Variants in CREB3L2 observed in about 807,000 individuals in gnomAD.
CREB3L2 encodes cAMP responsive element binding protein 3 like 2.
CREB3L2 carries 23 observed loss-of-function variants against 57.2 expected under a neutral mutation model. The observed-to-expected ratio is 0.40, with a 90% CI of 0.29 to 0.57. The LOEUF (loss-of-function observed/expected upper bound fraction) is 0.57. Ranked by LOEUF, CREB3L2 falls within the 20% of genes least tolerant of loss-of-function variation. CREB3L2 has a pLI of 0.42. For synonymous variants in CREB3L2, 268 were observed against 265.1 expected (o/e 1.01, Z -0.11); for missense variants, 628 against 634.7 (o/e 0.99, Z 0.11).
chr7:137,949,337 C>T (rs565176264), intron 1 of CREB3L2, among the ~76,000 whole-genome samples: 3 of 152,248 alleles, frequency 2.0e-5, no homozygotes, highest in Non-Finnish European at 1.5e-5. Context: ...GAAACTGTGT[C>T]GTTGTAAGGT....
chr7:137,976,910 C>A (rs1801617293), intron 1 of CREB3L2, among the ~76,000 whole-genome samples: 1 of 152,226 alleles, frequency 6.6e-6, no homozygotes, highest in African/African-American at 2.4e-5. Flanking sequence ...ATAGGCTACG[C>A]AGACGGCAGC....
At chr7:137,964,638 C>T (rs1236886967) in intron 1 of CREB3L2, among the ~76,000 whole-genome samples, 1 of 152,180 alleles carries the variant, frequency 6.6e-6, no homozygotes, top group Non-Finnish European at 1.5e-5. Flanking sequence ...CAATATTGAA[C>T]AATCCAATAT....
chr7:137,960,445 T>C (rs1415365196), intron 1 of CREB3L2, among the ~76,000 whole-genome samples: 1 of 151,620 alleles, frequency 6.6e-6, no homozygotes, highest in South Asian at 2.1e-4. Flanking sequence ...AGAGAGAAAA[T>C]AAAAGAAAGA....
At chr7:137,893,184 T>C (rs1003626568) in intron 8 of CREB3L2, among the ~76,000 whole-genome samples, 1 of 152,228 alleles carries the variant, frequency 6.6e-6, no homozygotes, top group Non-Finnish European at 1.5e-5. Flanking sequence ...AATGCTATAT[T>C]ACCTACTGGC....
Position 138,001,488 on chromosome 7 carries a change from C to G in CREB3L2, c.102+116G>C. The G allele has an allele frequency of 1.4e-6, 1 of 697,042 alleles. No homozygotes were observed. Among genetic ancestry groups the G allele is most frequent in the Non-Finnish European group, 2.4e-6 (1 of 411,276 alleles). 43.2% of individuals were successfully genotyped at this position (697,042 alleles called of 1,614,324 possible). A position where few individuals can be genotyped will look rare whatever the true frequency, so the allele number is the denominator to read the frequency against. On this transcript the variant is annotated intron_variant, in intron 1 of 11. Coordinates refer to ENST00000330387, the MANE Select transcript of CREB3L2 (RefSeq NM_194071.4). The surrounding 1 kb of genome is among the most constrained non-coding windows in gnomAD (Gnocchi z 4.2). ...ACACCTCGCCCAGGACCTCTTGATT[C>G]TGACCATGCCCTGCCCCAAACCCTG...
At chr7:137,977,588 TA>T (rs1801631249) in intron 1 of CREB3L2, among the ~76,000 whole-genome samples, 1 of 142,752 alleles carries the variant, frequency 7.0e-6, no homozygotes, top group South Asian at 2.2e-4. Context: ...TCTAGACAGA[TA>T]GATAACCATA....
intron 6 of CREB3L2, among the ~76,000 whole-genome samples, chr7:137,905,142 C>T (rs1799857157): frequency 1.3e-5 from 2 of 151,618 alleles, no homozygotes. Flanking sequence ...CAGGCCTGCT[C>T]AGCACTGAGG....
chr7:137,943,139 T>A (rs1198102253), intron 1 of CREB3L2, among the ~76,000 whole-genome samples: 1 of 152,114 alleles, frequency 6.6e-6, no homozygotes, highest in African/African-American at 2.4e-5. Flanking sequence ...GGGTCTCTTT[T>A]GTTAGGAAAT....
intron 1 of CREB3L2, among the ~76,000 whole-genome samples, chr7:137,967,830 A>G (rs962173723): frequency 6.6e-6 from 1 of 152,090 alleles, no homozygotes. Flanking sequence ...ACTTCCAACC[A>G]TCACCTCCCC....
At chr7:137,911,304 CCTTT>C (rs1321101823) in intron 4 of CREB3L2, among the ~76,000 whole-genome samples, 1 of 152,062 alleles carries the variant, frequency 6.6e-6, no homozygotes, top group Non-Finnish European at 1.5e-5. Context: ...AAAATTTAAT[CCTTT>C]CTTTATTGAT....
chr7:137,942,659 A>T (rs1470076420), intron 1 of CREB3L2, among the ~76,000 whole-genome samples: 4 of 152,274 alleles, frequency 2.6e-5, no homozygotes, highest in Non-Finnish European at 4.4e-5. Flanking sequence ...GCAGGTTATT[A>T]TAAGAACAAG....
intron 2 of CREB3L2, among the ~76,000 whole-genome samples, chr7:137,921,158 G>C (rs990736113): frequency 6.6e-6 from 1 of 152,172 alleles, no homozygotes. Context: ...CTGAGATACC[G>C]AGTGGAAAAA....
intron 1 of CREB3L2, chr7:137,956,551 C>G (rs1350703959): frequency 2.4e-6 from 3 of 1,232,316 alleles, no homozygotes; most frequent in Admixed American, 2.3e-5. Context: ...TGCTTTCAAA[C>G]TGCCATTGCA....
rs759318981 is a variant in CREB3L2 at position 138,001,532 on chromosome 7, C to G, written c.102+72G>C. 110 of 1,185,594 alleles carry G rather than the reference C, an allele frequency of 9.3e-5. No individual in the cohort carries two copies. The highest frequency in any genetic ancestry group is 1.5e-4 in the Admixed American group (7 of 46,496). The allele number at this position is 1,185,594 out of a possible 1,614,324, so 73.4% of individuals were successfully genotyped here. ...AACCCTGCCTTCCCGGGTCCCAGGA[C>G]TCCAGCTGCTCCTCGCGTGACAACA... On this transcript the variant is annotated intron_variant, in intron 1 of 11. Transcript: ENST00000330387. This position sits in a 1 kb window ranked among gnomAD's most constrained non-coding sequence, Gnocchi z 4.2.
chr7:137,971,885 G>A (rs938431555), intron 1 of CREB3L2, among the ~76,000 whole-genome samples: 3 of 151,572 alleles, frequency 2.0e-5, no homozygotes, highest in Non-Finnish European at 4.4e-5. Context: ...GTGATAGATA[G>A]GCTGCTCTGT....
At chr7:137,967,913 C>T (rs950083791) in intron 1 of CREB3L2, among the ~76,000 whole-genome samples, 1 of 152,226 alleles carries the variant, frequency 6.6e-6, no homozygotes, top group African/African-American at 2.4e-5. Context: ...TGAGCACCAC[C>T]GTGTGCCAGG....
At chr7:137,948,425 C>T (rs1234433433) in intron 1 of CREB3L2, among the ~76,000 whole-genome samples, 1 of 152,198 alleles carries the variant, frequency 6.6e-6, no homozygotes, top group Non-Finnish European at 1.5e-5. Context: ...TTACCCATAG[C>T]TTCTCCATCT....
In CREB3L2 at chr7:137,995,088, T is replaced by G. The variant is rs549610307; in HGVS notation, c.102+6516A>C. Among the ~76,000 whole-genome samples the G allele has an allele frequency of 5.1e-4, 77 of 152,252 alleles. No homozygotes were observed. The South Asian group carries it at 0.012, about 24-fold the overall frequency. Reference sequence around the variant, plus strand: ...ATGACCGAATCCTTACCAATAAAGCTTTAAGAAAAATCAGCTAGTGGGCTA... The same window carrying G: ...ATGACCGAATCCTTACCAATAAAGCGTTAAGAAAAATCAGCTAGTGGGCTA... On this transcript the variant is annotated intron_variant, in intron 1 of 11. Coordinates refer to ENST00000330387, the MANE Select transcript of CREB3L2 (RefSeq NM_194071.4).
intron 1 of CREB3L2, among the ~76,000 whole-genome samples, chr7:137,994,807 T>C (rs566720633): frequency 6.6e-6 from 1 of 152,188 alleles, no homozygotes; most frequent in Non-Finnish European, 1.5e-5. Context: ...AAAAGAACTC[T>C]GCGAGTGGCA....
Sources: allele counts gnomAD v4.1 joint callset (sites outside exome capture counted in the v4.1 genomes callset), GRCh38; gene constraint gnomAD v4.1.1; non-coding constraint Gnocchi (gnomAD v3.1); transcripts MANE v1.5; gene names NCBI Gene and HGNC (gene_info 2026-07-23, HGNC 2026-07-21).